Variants in PRKN observed in about 807,000 individuals in gnomAD.
PRKN encodes E3 ubiquitin-protein ligase parkin.
A neutral mutation model predicts 59.5 loss-of-function variants in PRKN; 56 were observed. The ratio of observed to expected loss-of-function variants is 0.94; its 90% CI spans 0.76 to 1.18. The LOEUF (loss-of-function observed/expected upper bound fraction) is 1.18, where lower values mean the gene tolerates loss of function less well. Among genes scored for constraint, PRKN ranks in the 50% most tolerant of loss-of-function variants. PRKN has a pLI of 0.00. For synonymous variants in PRKN, 250 were observed against 222.1 expected, an observed-to-expected ratio of 1.13 and a Z score of -1.12; for missense variants, 657 against 596.4, an observed-to-expected ratio of 1.10 and a Z score of -1.06.
intron 7 of PRKN, among the ~76,000 whole-genome samples, chr6:161,765,890 T>C (rs930796678): frequency 2.8e-4 from 43 of 152,212 alleles, no homozygotes; most frequent in African/African-American, 1.0e-3. Context: ...CAAATTAAAA[T>C]AGGGAGTAAC....
At chr6:162,251,371 A>G (rs1413322245) in intron 3 of PRKN, among the ~76,000 whole-genome samples, 1 of 152,100 alleles carries the variant, frequency 6.6e-6, no homozygotes, top group Non-Finnish European at 1.5e-5. Flanking sequence ...CTCAGGCCTC[A>G]ACCATTATGG....
At chr6:162,257,001 C>A (rs1779663822) in intron 3 of PRKN, among the ~76,000 whole-genome samples, 1 of 152,194 alleles carries the variant, frequency 6.6e-6, no homozygotes, top group East Asian at 1.9e-4. Context: ...CAAAACAATT[C>A]CCACAGAGGC....
At chr6:161,897,840 G>A (rs948929534) in intron 6 of PRKN, among the ~76,000 whole-genome samples, 6 of 150,572 alleles carry the variant, frequency 4.0e-5, no homozygotes, top group Admixed American at 1.3e-4. Flanking sequence ...AGTGGCGGGC[G>A]CCTGTAGTCC....
chr6:162,315,284 T>A (rs559013972), intron 2 of PRKN, among the ~76,000 whole-genome samples: 1 of 152,182 alleles, frequency 6.6e-6, no homozygotes, highest in African/African-American at 2.4e-5. Flanking sequence ...AAGCAACTAG[T>A]TATTGAAGTG....
At chr6:162,236,759 C>T (rs567669643) in intron 3 of PRKN, among the ~76,000 whole-genome samples, 2 of 151,776 alleles carry the variant, frequency 1.3e-5, no homozygotes, top group South Asian at 2.1e-4. Flanking sequence ...TGCACCATTG[C>T]ACTCCGCCTG....
intron 4 of PRKN, among the ~76,000 whole-genome samples, chr6:162,084,429 T>G (rs1414441132): frequency 6.6e-6 from 1 of 152,152 alleles, no homozygotes; most frequent in Non-Finnish European, 1.5e-5. Flanking sequence ...TGCTGGTTTC[T>G]TTCAATAAAG....
intron 9 of PRKN, among the ~76,000 whole-genome samples, chr6:161,501,912 T>A (rs1028122919): frequency 1.3e-5 from 2 of 152,146 alleles, no homozygotes; most frequent in Non-Finnish European, 2.9e-5. Flanking sequence ...TATGAAGATA[T>A]AACCCTACGT....
Position 161,972,760 on chromosome 6 carries a change from A to G in PRKN, c.734+542T>C, listed in dbSNP as rs541634615. Among the ~76,000 whole-genome samples the G allele has an allele frequency of 1.6e-3, 245 of 152,226 alleles. 1 individual carries two copies. The highest frequency in any genetic ancestry group is 3.0e-3 in the Non-Finnish European group (203 of 68,012). On this transcript the variant is annotated intron_variant, in intron 6 of 11. Transcript: ENST00000366898. ...TTTTTTTCCATTCCTGGCCGGGTGC[A>G]GTGGCTCACGCCTGTAATCCCAGCA...
At chr6:162,462,042 T>TTA (rs1276612588) in intron 1 of PRKN, among the ~76,000 whole-genome samples, 1 of 152,142 alleles carries the variant, frequency 6.6e-6, no homozygotes, top group Non-Finnish European at 1.5e-5. Context: ...GTTGTCAGTA[T>TTA]TATAGGATGG....
intron 2 of PRKN, among the ~76,000 whole-genome samples, chr6:162,283,322 A>C (rs992004586): frequency 6.6e-6 from 1 of 152,184 alleles, no homozygotes; most frequent in Non-Finnish European, 1.5e-5. Context: ...CATTTTTGGA[A>C]TGGCAGAGAT....
At chr6:161,496,173 G>A (rs1412318530) in intron 9 of PRKN, among the ~76,000 whole-genome samples, 1 of 152,204 alleles carries the variant, frequency 6.6e-6, no homozygotes, top group Non-Finnish European at 1.5e-5. Flanking sequence ...AGATTTTCCT[G>A]GTTCCTGTTA....
At chr6:162,329,966 G>A (rs1308275244) in intron 2 of PRKN, among the ~76,000 whole-genome samples, 1 of 152,106 alleles carries the variant, frequency 6.6e-6, no homozygotes. Flanking sequence ...GTCAACATCC[G>A]ATTTCTTCTT....
At chr6:162,227,236 C>T (rs185912131) in intron 3 of PRKN, among the ~76,000 whole-genome samples, 44 of 152,304 alleles carry the variant, frequency 2.9e-4, no homozygotes, top group African/African-American at 1.0e-3. Context: ...TTAACATCCA[C>T]ACCCTTTACT....
At chr6:162,286,825 A>G (rs1418052980) in intron 2 of PRKN, among the ~76,000 whole-genome samples, 1 of 152,218 alleles carries the variant, frequency 6.6e-6, no homozygotes, top group African/African-American at 2.4e-5. Flanking sequence ...ACTCCTTGAA[A>G]TAAGATGATG....
chr6:162,150,774 C>T (rs1343816335), intron 4 of PRKN, among the ~76,000 whole-genome samples: 2 of 152,052 alleles, frequency 1.3e-5, no homozygotes, highest in African/African-American at 4.8e-5. Flanking sequence ...AACTCTGGTT[C>T]TCTGATATTG....
At chr6:162,566,787 G>T (rs931591020) in intron 1 of PRKN, among the ~76,000 whole-genome samples, 1 of 152,006 alleles carries the variant, frequency 6.6e-6, no homozygotes, top group Non-Finnish European at 1.5e-5. Context: ...TGTTCTACAA[G>T]GCCAGTATTA....
chr6:162,573,284 C>CT (rs1450385163), intron 1 of PRKN, among the ~76,000 whole-genome samples: 4 of 152,210 alleles, frequency 2.6e-5, no homozygotes, highest in African/African-American at 9.6e-5. Context: ...AAGCTTCCAC[C>CT]TTTTTTCATG....
rs963145985 is a variant in PRKN at position 161,588,057 on chromosome 6, T to G, written c.872-18641A>C. Among the ~76,000 whole-genome samples, 1 of 152,148 alleles carries G rather than the reference T, an allele frequency of 6.6e-6. No individual in the cohort carries two copies. The highest frequency in any genetic ancestry group is 1.5e-5 in the Non-Finnish European group (1 of 68,026). On this transcript the variant is annotated intron_variant, in intron 7 of 11. Coordinates refer to ENST00000366898, the MANE Select transcript of PRKN (RefSeq NM_004562.3). This position sits in a 1 kb window ranked among gnomAD's most constrained non-coding sequence, Gnocchi z 5.0. The stretch of plus-strand genomic sequence containing the variant: ...TATTCTATAAGCATTAATAAGACCA[T>G]GTCAATAGAGCGTTAATTATTAGGA...
At chr6:162,470,425 GA>G in intron 1 of PRKN, among the ~76,000 whole-genome samples, 1 of 152,182 alleles carries the variant, frequency 6.6e-6, no homozygotes, top group South Asian at 2.1e-4. Context: ...CCAACACAGT[GA>G]AACCCCGCCT....
Sources: allele counts gnomAD v4.1 joint callset (sites outside exome capture counted in the v4.1 genomes callset), GRCh38; gene constraint gnomAD v4.1.1; non-coding constraint Gnocchi (gnomAD v3.1); transcripts MANE v1.5; gene names NCBI Gene and HGNC (gene_info 2026-07-23, HGNC 2026-07-21).